The following MGAT5B variants were observed in gnomAD, a reference collection of about 807,000 sequenced individuals.
The protein encoded by MGAT5B is alpha-1,6-mannosylglycoprotein 6-beta-N-acetylglucosaminyltransferase B.
MGAT5B carries 54 observed loss-of-function variants against 95.1 expected under a neutral mutation model. The observed-to-expected ratio is 0.57, with a 90% CI of 0.46 to 0.71. The LOEUF (loss-of-function observed/expected upper bound fraction) is 0.71, where lower values mean the gene tolerates loss of function less well. Among genes scored for constraint, MGAT5B ranks in the 30% least tolerant of loss-of-function variants. The pLI is 0.00. For synonymous variants in MGAT5B, 464 were observed against 451.0 expected, an observed-to-expected ratio of 1.03 and a Z score of -0.36; for missense variants, 935 against 1,088.6, an observed-to-expected ratio of 0.86 and a Z score of 1.99.
chr17:76,917,324 T>C lies in MGAT5B; in HGVS notation c.1026-7642T>C, dbSNP rs1968972306. 6.6e-6 allele frequency among the ~76,000 whole-genome samples: 1 copy of C among 151,654 alleles called. No individual in the cohort carries two copies. Among genetic ancestry groups the C allele is most frequent in the African/African-American group, 2.4e-5 (1 of 41,330 alleles). On this transcript the variant is annotated intron_variant, in intron 8 of 17. Coordinates refer to ENST00000569840, the MANE Select transcript of MGAT5B (RefSeq NM_001199172.2). This position sits in a 1 kb window ranked among gnomAD's most constrained non-coding sequence, Gnocchi z 6.1. ...TTCTCAGCTGCCCCTGGCTTCACTT[T>C]CTTGTTGGGTCTCGGGGGTGCCTTC... is the stretch of plus-strand genomic sequence containing the variant.
At chr17:76,923,135 A>T (rs1341195115) in intron 8 of MGAT5B, among the ~76,000 whole-genome samples, 2 of 152,216 alleles carry the variant, frequency 1.3e-5, no homozygotes, top group African/African-American at 4.8e-5. Context: ...TGGTGCGCAC[A>T]GTCCCCTCCC....
rs546835885 is a variant in MGAT5B at position 76,869,173 on chromosome 17, G to T, written c.68+76G>T. 219 of 1,311,832 alleles carry T rather than the reference G, an allele frequency of 1.7e-4. 1 individual carries two copies. The East Asian group carries it at 5.0e-3, about 30-fold the overall frequency. 81.3% of individuals were successfully genotyped at this position (1,311,832 alleles called of 1,614,324 possible). ...GTGGGCGAGGTCGGTTCCTGCGAAC[G>T]TTCAAGTCCTGGTGGCAGAGGGGGC... On this transcript the variant is annotated intron_variant, in intron 1 of 17. Transcript: ENST00000569840. This position sits in a 1 kb window ranked among gnomAD's most constrained non-coding sequence, Gnocchi z 7.0.
rs1477134839 is a variant in MGAT5B, at chr17:76,872,861, C to G, written c.79C>G (p.Leu27Val). ...VTLRPFRLFVLGIGFFTLCFL... is the reference protein window; with the variant it reads ...VTLRPFRLFVVGIGFFTLCFL... ...CCTTCCTCTCCGCAGGCTTTTTGTC[C>G]TGGGCATCGGCTTCTTCACTCTCTG... is the stretch of plus-strand genomic sequence containing the variant. Residue 27 changes from leucine to valine, a missense_variant, in exon 2 of 18, where the codon CTG (leucine) becomes GTG (valine). Around this residue, in one of 4 missense-constraint regions of MGAT5B, gnomAD observed 243 missense variants for 228.2 expected, o/e 1.06. Coordinates refer to ENST00000569840, the MANE Select transcript of MGAT5B (RefSeq NM_001199172.2). 1 of 1,614,232 alleles carries G rather than the reference C, an allele frequency of 6.2e-7. No homozygotes were observed. Among genetic ancestry groups the G allele is most frequent in the Non-Finnish European group, 8.5e-7 (1 of 1,180,042 alleles).
chr17:76,922,113 A>T (rs889680395), intron 8 of MGAT5B, among the ~76,000 whole-genome samples: 7 of 152,146 alleles, frequency 4.6e-5, no homozygotes, highest in Non-Finnish European at 1.0e-4. Context: ...CTAGGGTCAG[A>T]GGTGTGCTCA....
chr17:76,948,500 C>T, intron 17 of MGAT5B, 140 bp from the exon 18 acceptor site: 1 of 931,016 alleles, frequency 1.1e-6, no homozygotes, highest in Non-Finnish European at 1.6e-6. Flanking sequence ...AGCCGTAACA[C>T]ATTTCCTTAC....
In MGAT5B at chr17:76,905,549, G is replaced by A. The variant is rs1304595400; in HGVS notation, c.855+216G>A. On this transcript the variant is annotated intron_variant, in intron 7 of 17. Transcript: ENST00000569840. The surrounding 1 kb of genome is among the most constrained non-coding windows in gnomAD (Gnocchi z 4.2). ...GGACCAAATGACAAGCCCCCAAGAG[G>A]TCCTGCATTCTGTGTACATCTGGTT... is the stretch of plus-strand genomic sequence containing the variant. Among the ~76,000 whole-genome samples, 2 of 152,170 alleles carry A rather than the reference G, an allele frequency of 1.3e-5. No homozygotes were observed. Among genetic ancestry groups the A allele is most frequent in the African/African-American group, 4.8e-5 (2 of 41,442 alleles).
intron 2 of MGAT5B, among the ~76,000 whole-genome samples, chr17:76,879,455 A>G (rs1183416051): frequency 6.6e-6 from 1 of 152,166 alleles, no homozygotes; most frequent in Non-Finnish European, 1.5e-5. Flanking sequence ...GGGATGAAAC[A>G]TTCCTTTTTT....
Position 76,905,323 on chromosome 17 carries a change from A to T in MGAT5B, c.845A>T (p.Asp282Val). ...LAQKLGATQR[D>V]QKQILVHIGF... Reference sequence around the variant, plus strand: ...CAGAAGCTGGGGGCCACCCAGAGGGACCAGAAGCAGGTGCGTGGCCCCTGC... The same window carrying T: ...CAGAAGCTGGGGGCCACCCAGAGGGTCCAGAAGCAGGTGCGTGGCCCCTGC... Residue 282 changes from aspartate (D) to valine (V), a missense_variant, in exon 7 of 18, where the codon GAC becomes GTC. Physicochemically the swap from Asp to Val is radical, Grantham distance 152. Transcript: ENST00000569840. The surrounding 1 kb of genome is among the most constrained non-coding windows in gnomAD (Gnocchi z 4.2). 6.3e-7 allele frequency: 1 copy of T among 1,589,746 alleles called. No individual in the cohort carries two copies. Among genetic ancestry groups the T allele is most frequent in the Non-Finnish European group, 8.6e-7 (1 of 1,163,270 alleles).
chr17:76,879,347 T>A (rs1967319268), intron 2 of MGAT5B, among the ~76,000 whole-genome samples: 1 of 152,170 alleles, frequency 6.6e-6, no homozygotes, highest in Non-Finnish European at 1.5e-5. Flanking sequence ...GGGTGCTGCG[T>A]CTGCAGGAAC....
chr17:76,868,844 A>T lies in MGAT5B; in HGVS notation c.-186A>T, dbSNP rs1203660451. ...CCGGGCGCCCTCGCCGCCCTCCGGC[A>T]GCCGCGCCGCTCCCTCCGCTGCACG... On this transcript the variant is annotated 5_prime_UTR_variant, in exon 1 of 18. Coordinates refer to ENST00000569840, the MANE Select transcript of MGAT5B (RefSeq NM_001199172.2). This position sits in a 1 kb window ranked among gnomAD's most constrained non-coding sequence, Gnocchi z 6.3. 2.9e-6 allele frequency: 1 copy of T among 348,980 alleles called. No homozygotes were observed. Among genetic ancestry groups the T allele is most frequent in the Non-Finnish European group, 5.1e-6 (1 of 197,906 alleles). The allele number at this position is 348,980 out of a possible 1,614,324, so 21.6% of individuals were successfully genotyped here.
rs373213695 is a variant in MGAT5B, at chr17:76,915,686, C to T, written c.1026-9280C>T. 6.6e-6 allele frequency among the ~76,000 whole-genome samples: 1 copy of T among 152,292 alleles called. No individual in the cohort carries two copies. The highest frequency in any genetic ancestry group is 1.9e-4 in the East Asian group (1 of 5,170). ...GGTGGGGAAGAACCGCATCTTGGCA[C>T]CTAGACTTGTGAATGGCAGCTCTCC... is the stretch of plus-strand genomic sequence containing the variant. On this transcript the variant is annotated intron_variant, in intron 8 of 17. Coordinates refer to ENST00000569840, the MANE Select transcript of MGAT5B (RefSeq NM_001199172.2). This position sits in a 1 kb window ranked among gnomAD's most constrained non-coding sequence, Gnocchi z 8.7.
chr17:76,888,763 GACCTGCC>G (rs1156289911), intron 3 of MGAT5B, among the ~76,000 whole-genome samples: 1 of 152,160 alleles, frequency 6.6e-6, no homozygotes, highest in Non-Finnish European at 1.5e-5. Flanking sequence ...AGGAAGTAGT[GACCTGCC>G]ACTGGCCACC....
chr17:76,925,693 T>G (rs970780198), intron 9 of MGAT5B, among the ~76,000 whole-genome samples: 4 of 152,108 alleles, frequency 2.6e-5, no homozygotes, highest in African/African-American at 9.7e-5. Flanking sequence ...TTAATGCGAG[T>G]TCTCTATGCA....
chr17:76,905,372 A>C lies in MGAT5B; in HGVS notation c.855+39A>C, dbSNP rs1421624683. Reference sequence around the variant, plus strand: ...GCCCCCTCATGTGCAGGAGCTGAGAAAGCTCAGGGCCCCCACTTCTGAGTG... The same window carrying C: ...GCCCCCTCATGTGCAGGAGCTGAGACAGCTCAGGGCCCCCACTTCTGAGTG... On this transcript the variant is annotated intron_variant, in intron 7 of 17. Transcript: ENST00000569840. This position sits in a 1 kb window ranked among gnomAD's most constrained non-coding sequence, Gnocchi z 4.2. The C allele has an allele frequency of 6.6e-7, 1 of 1,525,714 alleles. No homozygotes were observed. The highest frequency in any genetic ancestry group is 1.4e-5 in the African/African-American group (1 of 72,282). 94.5% of individuals were successfully genotyped at this position (1,525,714 alleles called of 1,614,324 possible). A position where few individuals can be genotyped will look rare whatever the true frequency, so the allele number is the denominator to read the frequency against.
intron 8 of MGAT5B, among the ~76,000 whole-genome samples, chr17:76,922,854 C>T (rs943851079): frequency 1.3e-5 from 2 of 152,196 alleles, no homozygotes; most frequent in Admixed American, 6.5e-5. Flanking sequence ...ACATTCCCCT[C>T]TCACACTTAG....
In MGAT5B at chr17:76,912,739, A is replaced by C. The variant is rs1968788354; in HGVS notation, c.1025+6552A>C. Among the ~76,000 whole-genome samples the C allele has an allele frequency of 6.6e-6, 1 of 152,008 alleles. No homozygotes were observed. The highest frequency in any genetic ancestry group is 2.4e-5 in the African/African-American group (1 of 41,376). ...CTTCCGGGGTGAGGGAGGTGGCACG[A>C]GGGAGCCGTGCGCTCTGTGATGAGA... On this transcript the variant is annotated intron_variant, in intron 8 of 17. Coordinates refer to ENST00000569840, the MANE Select transcript of MGAT5B (RefSeq NM_001199172.2). This position sits in a 1 kb window ranked among gnomAD's most constrained non-coding sequence, Gnocchi z 5.0.
At position 76,918,474 on chromosome 17, in the gene MGAT5B, G is replaced by A. The variant is rs1651450593; in HGVS notation, c.1026-6492G>A. Among the ~76,000 whole-genome samples, 1 of 152,220 alleles carries A rather than the reference G, an allele frequency of 6.6e-6. No individual in the cohort carries two copies. Among genetic ancestry groups the A allele is most frequent in the Non-Finnish European group, 1.5e-5 (1 of 68,036 alleles). Reference sequence around the variant, plus strand: ...AGCAACTCTGGGCTGCTTCTGTTGGGTACAGGGAGGTCAGTCCATCCTGGG... The same window carrying A: ...AGCAACTCTGGGCTGCTTCTGTTGGATACAGGGAGGTCAGTCCATCCTGGG... On this transcript the variant is annotated intron_variant, in intron 8 of 17. Transcript: ENST00000569840. The surrounding 1 kb of genome is among the most constrained non-coding windows in gnomAD (Gnocchi z 5.1).
rs1056471827 is a variant in MGAT5B at position 76,914,373 on chromosome 17, C to T, written c.1025+8186C>T. Among the ~76,000 whole-genome samples the T allele has an allele frequency of 5.3e-5, 8 of 152,142 alleles. No homozygotes were observed. Among genetic ancestry groups the T allele is most frequent in the Admixed American group, 6.5e-5 (1 of 15,276 alleles). On this transcript the variant is annotated intron_variant, in intron 8 of 17. Coordinates refer to ENST00000569840, the MANE Select transcript of MGAT5B (RefSeq NM_001199172.2). The surrounding 1 kb of genome is among the most constrained non-coding windows in gnomAD (Gnocchi z 5.1). Reference sequence around the variant, plus strand: ...AGCGCAGGAGCAGGGGTTACAGAATCGCAGGCAGGTGTGTTTGCCTCCTGG... The same window carrying T: ...AGCGCAGGAGCAGGGGTTACAGAATTGCAGGCAGGTGTGTTTGCCTCCTGG...
intron 2 of MGAT5B, among the ~76,000 whole-genome samples, chr17:76,876,100 G>A (rs1439748945): frequency 1.3e-5 from 2 of 152,160 alleles, no homozygotes; most frequent in African/African-American, 2.4e-5. Flanking sequence ...TGCTTGGGCA[G>A]ACCCAAGGCA....
Sources: allele counts gnomAD v4.1 joint callset (sites outside exome capture counted in the v4.1 genomes callset), GRCh38; gene constraint gnomAD v4.1.1; regional missense constraint gnomAD v4.1.1; non-coding constraint Gnocchi (gnomAD v3.1); transcripts MANE v1.5; gene names NCBI Gene and HGNC (gene_info 2026-07-23, HGNC 2026-07-21).